Variants in DCDC1 observed in about 807,000 individuals in gnomAD.
The protein encoded by DCDC1 is doublecortin domain-containing protein 1.
In DCDC1, 200 loss-of-function variants were observed where a neutral mutation model predicts 178.3. The observed-to-expected ratio is 1.12, with a 90% CI of 1.00 to 1.26. DCDC1 has a LOEUF of 1.26. Ranked by LOEUF, DCDC1 falls within the 50% of genes most tolerant of loss-of-function variation. DCDC1 has a pLI of 0.00. For missense variants in DCDC1, 1,983 were observed against 1,749.2 expected, an observed-to-expected ratio of 1.13 and a Z score of -2.38; for synonymous variants, 690 against 604.8, an observed-to-expected ratio of 1.14 and a Z score of -2.07.
At chr11:31,088,914 G>A (rs904470820) in intron 17 of DCDC1, among the ~76,000 whole-genome samples, 25 of 152,058 alleles carry the variant, frequency 1.6e-4, no homozygotes, top group Admixed American at 3.9e-4. Flanking sequence ...CACCCATGCT[G>A]GTCTCAAATT....
intron 38 of DCDC1, among the ~76,000 whole-genome samples, chr11:30,869,261 T>A (rs1941310767): frequency 1.3e-5 from 2 of 152,246 alleles, no homozygotes; most frequent in African/African-American, 4.8e-5. Flanking sequence ...CAGGTGCAGA[T>A]TTGTTTTATA....
At chr11:31,099,598 G>A (rs78434597) in intron 15 of DCDC1, among the ~76,000 whole-genome samples, 7,061 of 152,188 alleles carry the variant, frequency 0.046, 235 homozygotes, top group Admixed American at 0.075. Flanking sequence ...TGTAAATGGC[G>A]CAGAAGGGAA....
chr11:30,905,209 G>T (rs1273763758), intron 30 of DCDC1, 45 bp from the exon 31 acceptor site: 1 of 1,533,610 alleles, frequency 6.5e-7, no homozygotes, highest in Non-Finnish European at 8.8e-7. Flanking sequence ...AAACTTTCTT[G>T]TTTTAGTGTG....
Position 30,920,945 on chromosome 11 carries a change from A to G in DCDC1, c.3134-10T>C, listed in dbSNP as rs746992757. 6.2e-7 allele frequency: 1 copy of G among 1,602,884 alleles called. No homozygotes were observed. The highest frequency in any genetic ancestry group is 2.2e-5 in the East Asian group (1 of 44,686). On this transcript the variant is annotated splice_polypyrimidine_tract_variant and intron_variant, in intron 24 of 38. Coordinates refer to ENST00000684477, the MANE Select transcript of DCDC1 (RefSeq NM_001387274.1). ...ACTTCTAAAACAAGAGCTGAGCAGAAATTCACAAATTGCAAAGACATATTA... is the reference window on the plus strand; with the variant it reads ...ACTTCTAAAACAAGAGCTGAGCAGAGATTCACAAATTGCAAAGACATATTA...
At chr11:30,933,303 G>C (rs761815249) in intron 21 of DCDC1, among the ~76,000 whole-genome samples, 1 of 151,804 alleles carries the variant, frequency 6.6e-6, no homozygotes, top group East Asian at 1.9e-4. Context: ...TTTTTTAAAA[G>C]TCTATTTGGG....
At chr11:31,069,084 C>A (rs1956413354) in intron 18 of DCDC1, among the ~76,000 whole-genome samples, 1 of 152,150 alleles carries the variant, frequency 6.6e-6, no homozygotes, top group Non-Finnish European at 1.5e-5. Context: ...ATCTCCTGAC[C>A]TTGTGATCTG....
intron 22 of DCDC1, 75 bp from the exon 23 acceptor site, chr11:30,925,483 C>T (rs539315102): frequency 1.5e-6 from 2 of 1,319,416 alleles, no homozygotes; most frequent in African/African-American, 2.9e-5. Flanking sequence ...TAAAAGAAAT[C>T]TGGGGCCTGA....
intron 32 of DCDC1, 63 bp from the exon 33 acceptor site, chr11:30,900,561 A>G (rs149258923): frequency 2.3e-6 from 3 of 1,317,514 alleles, no homozygotes; most frequent in Non-Finnish European, 3.0e-6. Context: ...TGTTTTCTGA[A>G]TTTGTTTATT....
intron 36 of DCDC1, chr11:30,883,492 C>T: frequency 4.4e-6 from 2 of 459,660 alleles, no homozygotes; most frequent in Non-Finnish European, 9.0e-6. Flanking sequence ...AAATAAAGAT[C>T]CATGTCTTCA....
chr11:31,237,480 A>C (rs541817499), intron 9 of DCDC1, among the ~76,000 whole-genome samples: 84 of 152,056 alleles, frequency 5.5e-4, no homozygotes, highest in African/African-American at 1.7e-3. Context: ...GCATCCAAAA[A>C]AGTTAACTTG....
Position 31,051,125 on chromosome 11 carries a change from C to T in DCDC1, c.2591+13344G>A, listed in dbSNP as rs561866495. Among the ~76,000 whole-genome samples, 75 of 151,924 alleles carry T rather than the reference C, an allele frequency of 4.9e-4. 2 individuals carry two copies. Among genetic ancestry groups the T allele is most frequent in the Non-Finnish European group, 1.0e-3 (69 of 67,984 alleles). ...GAGAAATATTCATGGAAATAGATAG[C>T]TTAAAAAAAATCAAATTCAGGAAAA... is the stretch of plus-strand genomic sequence containing the variant. On this transcript the variant is annotated intron_variant, in intron 20 of 38. Coordinates refer to ENST00000684477, the MANE Select transcript of DCDC1 (RefSeq NM_001387274.1).
chr11:30,976,767 G>A (rs1207870368), intron 20 of DCDC1, among the ~76,000 whole-genome samples: 1 of 152,128 alleles, frequency 6.6e-6, no homozygotes. Context: ...AGGGAAAACA[G>A]TATGGAGATT....
intron 8 of DCDC1, among the ~76,000 whole-genome samples, chr11:31,257,009 G>C (rs983990828): frequency 1.3e-5 from 2 of 152,170 alleles, no homozygotes; most frequent in Non-Finnish European, 2.9e-5. Context: ...CTTCAGGCAA[G>C]TCTCAGATTG....
In DCDC1 at chr11:31,096,911, ATG is replaced by A. The variant is rs140701614; in HGVS notation, c.1984-2729_1984-2728del. Among the ~76,000 whole-genome samples, 746 of 150,356 alleles carry A rather than the reference ATG, an allele frequency of 5.0e-3. 2 individuals carry two copies. Among genetic ancestry groups the A allele is most frequent in the South Asian group, 8.0e-3 (38 of 4,770 alleles). On this transcript the variant is annotated intron_variant, in intron 15 of 38. Transcript: ENST00000684477. ...ACAACATAATATGCCATATGTATGT[ATG>A]TGTGTGTGTGTGTGTGTGCGCGCGC...
rs1482533257 is a variant in DCDC1 at position 30,908,872 on chromosome 11, A to T, written c.3918+74T>A. On this transcript the variant is annotated intron_variant, in intron 29 of 38. Transcript: ENST00000684477. ...GAACATAAAGTTTTCTAGGGAAAAA[A>T]ATTTTCTCATTTTATTAAATTACTC... The T allele has an allele frequency of 9.3e-6, 13 of 1,394,012 alleles. No individual in the cohort carries two copies. The East Asian group carries it at 2.8e-4, about 30-fold the overall frequency. The allele number at this position is 1,394,012 out of a possible 1,614,324, so 86.4% of individuals were successfully genotyped here.
At chr11:31,265,955 TG>T (rs1945133406) in intron 7 of DCDC1, among the ~76,000 whole-genome samples, 1 of 150,334 alleles carries the variant, frequency 6.7e-6, no homozygotes, top group South Asian at 2.1e-4. Context: ...ATTTAATAAA[TG>T]GTAGACCTTT....
chr11:31,057,129 G>T (rs1955634873), intron 20 of DCDC1, among the ~76,000 whole-genome samples: 1 of 152,090 alleles, frequency 6.6e-6, no homozygotes, highest in Non-Finnish European at 1.5e-5. Context: ...TATTCATCAG[G>T]AGGCTGAGGC....
chr11:31,006,979 A>G (rs961314715), intron 20 of DCDC1, among the ~76,000 whole-genome samples: 11 of 152,190 alleles, frequency 7.2e-5, no homozygotes, highest in African/African-American at 2.7e-4. Context: ...TGGCCATTTT[A>G]TTGTTAAATA....
At chr11:31,187,963 C>A (rs1317838026) in intron 9 of DCDC1, among the ~76,000 whole-genome samples, 1 of 152,164 alleles carries the variant, frequency 6.6e-6, no homozygotes, top group Non-Finnish European at 1.5e-5. Flanking sequence ...AATTGCACAG[C>A]AATTGCATTT....
Sources: gnomAD v4.1 joint callset for allele counts (sites outside exome capture counted in the v4.1 genomes callset) on GRCh38, gnomAD v4.1.1 for gene constraint, MANE v1.5 for transcripts, NCBI Gene and HGNC (gene_info 2026-07-23, HGNC 2026-07-21) for gene names.